Variants in CCDC85C observed in about 807,000 individuals in gnomAD.
CCDC85C encodes the protein coiled-coil domain-containing protein 85C.
A neutral mutation model predicts 38.3 loss-of-function variants in CCDC85C; 18 were observed. The observed-to-expected ratio is 0.47, with a 90% CI of 0.33 to 0.70. The LOEUF (loss-of-function observed/expected upper bound fraction) is 0.70. CCDC85C is among the 30% of genes least tolerant of loss of function. CCDC85C has a pLI of 0.03. For synonymous variants in CCDC85C, 264 were observed against 293.8 expected, an observed-to-expected ratio of 0.90 and a Z score of 1.04; for missense variants, 566 against 621.2, an observed-to-expected ratio of 0.91 and a Z score of 0.94.
At chr14:99,530,917 T>G (rs918159066) in intron 2 of CCDC85C, among the ~76,000 whole-genome samples, 1 of 152,230 alleles carries the variant, frequency 6.6e-6, no homozygotes, top group Admixed American at 6.5e-5. Flanking sequence ...GATGCCTTGA[T>G]CTCAGACTTC....
chr14:99,510,979 C>G lies in CCDC85C; in HGVS notation c.*4267G>C, dbSNP rs190948481. The G allele has an allele frequency of 3.8e-3, 1,586 of 417,830 alleles. 2 individuals are homozygous for G. Among genetic ancestry groups the G allele is most frequent in the Non-Finnish European group, 4.1e-3 (987 of 242,388 alleles). The allele number at this position is 417,830 out of a possible 1,614,324, so 25.9% of individuals were successfully genotyped here. On this transcript the variant is annotated 3_prime_UTR_variant, in exon 6 of 6. Transcript: ENST00000380243. The stretch of plus-strand genomic sequence containing the variant: ...CGGGGACAACCAGCTTTCAGAGTAG[C>G]CTCATCAGTGCCCTTGCAGTCTGAC...
intron 1 of CCDC85C, among the ~76,000 whole-genome samples, chr14:99,575,487 T>C (rs1241010310): frequency 6.6e-6 from 1 of 152,214 alleles, no homozygotes; most frequent in African/African-American, 2.4e-5. Context: ...GAAAACTCTC[T>C]CAAGAGCTCA....
In CCDC85C at chr14:99,507,310, C is replaced by T; in HGVS notation, c.*7936G>A. ...ATTGTTCTTGGGCTGGGCACAATGG[C>T]TTGTGTTTTTGATCCCAGCACTTTG... On this transcript the variant is annotated 3_prime_UTR_variant, in exon 6 of 6. Transcript: ENST00000380243. The T allele has an allele frequency of 1.5e-6, 1 of 648,286 alleles. No homozygotes were observed. Among genetic ancestry groups the T allele is most frequent in the Non-Finnish European group, 2.8e-6 (1 of 359,262 alleles). The allele number at this position is 648,286 out of a possible 1,614,324, so 40.2% of individuals were successfully genotyped here.
Position 99,520,636 on chromosome 14 carries a change from C to T in CCDC85C, c.975+1497G>A, listed in dbSNP as rs1482584745. 6.6e-6 allele frequency among the ~76,000 whole-genome samples: 1 copy of T among 152,182 alleles called. No homozygotes were observed. The highest frequency in any genetic ancestry group is 1.5e-5 in the Non-Finnish European group (1 of 68,030). ...ACCAGCCCTGATCATGGCCCCTGAA[C>T]CTCAGTTTATCACCCGGCCTCCTGG... On this transcript the variant is annotated intron_variant, in intron 3 of 5. Transcript: ENST00000380243. This position sits in a 1 kb window ranked among gnomAD's most constrained non-coding sequence, Gnocchi z 4.1.
At chr14:99,523,361 C>T (rs1278431991) in intron 2 of CCDC85C, among the ~76,000 whole-genome samples, 1 of 152,200 alleles carries the variant, frequency 6.6e-6, no homozygotes, top group East Asian at 1.9e-4. Context: ...TCACAAGCCC[C>T]AGCCTCACTG....
At position 99,522,124 on chromosome 14, in the gene CCDC85C, C is replaced by A. The variant is rs1371536270; in HGVS notation, c.975+9G>T. On this transcript the variant is annotated intron_variant, in intron 3 of 5. Transcript: ENST00000380243. ...AGAACATGTGGGCTTTTTTGGGGTG[C>A]ACACTCACGTTCTGCAGGGAGTCCT... 6.5e-7 allele frequency: 1 copy of A among 1,545,748 alleles called. No homozygotes were observed. Among genetic ancestry groups the A allele is most frequent in the Non-Finnish European group, 8.8e-7 (1 of 1,142,374 alleles).
At chr14:99,578,354 T>A (rs935667475) in intron 1 of CCDC85C, among the ~76,000 whole-genome samples, 3 of 148,950 alleles carry the variant, frequency 2.0e-5, no homozygotes, top group Non-Finnish European at 3.0e-5. Context: ...TCCACACCCA[T>A]ACAGCCCGTC....
intron 2 of CCDC85C, among the ~76,000 whole-genome samples, chr14:99,529,772 T>C (rs6575729): frequency 0.85 from 130,158 of 152,272 alleles, 55,731 homozygotes; most frequent in South Asian, 0.93. Flanking sequence ...CTCAACTTTC[T>C]GGGCCTCTGT....
rs1897100290 is a variant in CCDC85C, at chr14:99,510,475, C to T, written c.*4771G>A. The T allele has an allele frequency of 6.0e-6, 6 of 1,006,244 alleles. No individual in the cohort carries two copies. The highest frequency in any genetic ancestry group is 4.7e-5 in the East Asian group (1 of 21,116). 62.3% of individuals were successfully genotyped at this position (1,006,244 alleles called of 1,614,324 possible). A position where few individuals can be genotyped will look rare whatever the true frequency, so the allele number is the denominator to read the frequency against. ...CTGCCCTACCACCCCCATGTCTACC[C>T]GCCCAACCCGCCCCCGCCACCTGTG... On this transcript the variant is annotated 3_prime_UTR_variant, in exon 6 of 6. Coordinates refer to ENST00000380243, the MANE Select transcript of CCDC85C (RefSeq NM_001144995.2).
chr14:99,550,362 G>C (rs533594873), intron 1 of CCDC85C, among the ~76,000 whole-genome samples: 2 of 152,310 alleles, frequency 1.3e-5, no homozygotes, highest in East Asian at 3.9e-4. Flanking sequence ...CTGAAGATGG[G>C]GAAGGGGAGA....
At chr14:99,570,194 A>G (rs1288304222) in intron 1 of CCDC85C, among the ~76,000 whole-genome samples, 2 of 152,122 alleles carry the variant, frequency 1.3e-5, no homozygotes, top group Non-Finnish European at 2.9e-5. Context: ...GCAGCCCTGC[A>G]ATATGGAAAG....
At chr14:99,542,935 T>C (rs77594469) in intron 1 of CCDC85C, among the ~76,000 whole-genome samples, 145 of 152,256 alleles carry the variant, frequency 9.5e-4, no homozygotes, top group African/African-American at 3.4e-3. Flanking sequence ...GACGGCCCCA[T>C]CTTCTCGAGG....
chr14:99,603,836 T>A lies in CCDC85C; in HGVS notation c.124A>T (p.Lys42Ter). 6.6e-7 allele frequency: 1 copy of A among 1,518,504 alleles called. No homozygotes were observed. 94.1% of individuals were successfully genotyped at this position (1,518,504 alleles called of 1,614,324 possible). A position where few individuals can be genotyped will look rare whatever the true frequency, so the allele number is the denominator to read the frequency against. Reference sequence around the variant, plus strand: ...CCGTGCTCCAGCATGAGGCCCACCTTCTCGCCCTCGGCGCGCCGCAGCCGC... The same window carrying A: ...CCGTGCTCCAGCATGAGGCCCACCTACTCGCCCTCGGCGCGCCGCAGCCGC... ...ARRLRRAEGEKVGLMLEHGGL... is the reference protein window; with the variant it reads ...ARRLRRAEGE Residue 42 changes from lysine (K) to a stop codon, truncating the protein, a stop_gained, in exon 1 of 6, where the codon AAG becomes TAG. Coordinates refer to ENST00000380243, the MANE Select transcript of CCDC85C (RefSeq NM_001144995.2). LOFTEE classifies it high-confidence loss of function. The surrounding 1 kb of genome is among the most constrained non-coding windows in gnomAD (Gnocchi z 7.5).
chr14:99,596,426 CCTCTG>C (rs1166384936), intron 1 of CCDC85C, among the ~76,000 whole-genome samples: 1 of 151,984 alleles, frequency 6.6e-6, no homozygotes, highest in East Asian at 1.9e-4. Context: ...ATGCTCCACG[CCTCTG>C]TTTGAACAGT....
At position 99,545,383 on chromosome 14, in the gene CCDC85C, T is replaced by G. The variant is rs531018818; in HGVS notation, c.794-9295A>C. Reference sequence around the variant, plus strand: ...TCTAGAATGTGCCCTACTTTGGATCTGCCTGGGAACCACCAGTGTTCTCAA... The same window carrying G: ...TCTAGAATGTGCCCTACTTTGGATCGGCCTGGGAACCACCAGTGTTCTCAA... On this transcript the variant is annotated intron_variant, in intron 1 of 5. Transcript: ENST00000380243. The surrounding 1 kb of genome is among the most constrained non-coding windows in gnomAD (Gnocchi z 4.7). Among the ~76,000 whole-genome samples, 6 of 152,284 alleles carry G rather than the reference T, an allele frequency of 3.9e-5. No individual in the cohort carries two copies. In the East Asian group the frequency reaches 1.2e-3, roughly 29 times the overall value.
At position 99,590,574 on chromosome 14, in the gene CCDC85C, A is replaced by G. The variant is rs1239476449; in HGVS notation, c.793+12593T>C. Among the ~76,000 whole-genome samples, 3 of 152,292 alleles carry G rather than the reference A, an allele frequency of 2.0e-5. No homozygotes were observed. The East Asian group carries it at 5.8e-4, about 29-fold the overall frequency. On this transcript the variant is annotated intron_variant, in intron 1 of 5. Coordinates refer to ENST00000380243, the MANE Select transcript of CCDC85C (RefSeq NM_001144995.2). ...GCATTTCCAGAATAAGGCAGTTTGG[A>G]AAGGTCTCCTTTCTTCCTGGTGGTC...
intron 1 of CCDC85C, among the ~76,000 whole-genome samples, chr14:99,579,247 T>C (rs145695261): frequency 1.3e-5 from 2 of 152,232 alleles, no homozygotes; most frequent in Non-Finnish European, 2.9e-5. Context: ...CCTCCAGCCT[T>C]GGTGCCAAAC....
intron 1 of CCDC85C, among the ~76,000 whole-genome samples, chr14:99,582,797 G>C (rs186011670): frequency 2.0e-5 from 3 of 152,186 alleles, no homozygotes; most frequent in Admixed American, 2.0e-4. Context: ...CTGGGTGATA[G>C]AGCAAGACTC....
chr14:99,554,081 T>C (rs941566), intron 1 of CCDC85C, among the ~76,000 whole-genome samples: 80,707 of 151,950 alleles, frequency 0.53, 21,630 homozygotes, highest in African/African-American at 0.58. Flanking sequence ...CCACTTGCTC[T>C]GTGAATCTGT....
Sources: gnomAD v4.1 joint callset for allele counts (sites outside exome capture counted in the v4.1 genomes callset) on GRCh38, gnomAD v4.1.1 for gene constraint, Gnocchi (gnomAD v3.1) non-coding constraint, MANE v1.5 for transcripts, NCBI Gene and HGNC (gene_info 2026-07-23, HGNC 2026-07-21) for gene names.